TAFA2: variants seen among roughly 807,000 people sequenced by gnomAD.
The protein encoded by TAFA2 is chemokine-like protein TAFA-2.
In TAFA2, 7 loss-of-function variants were observed where a neutral mutation model predicts 18.8. That is an observed-to-expected ratio of 0.37 (90% CI 0.21 to 0.70). The LOEUF (loss-of-function observed/expected upper bound fraction) is 0.70, where lower values mean the gene tolerates loss of function less well. Among genes scored for constraint, TAFA2 ranks in the 30% least tolerant of loss-of-function variants. The pLI, the probability that TAFA2 is intolerant of heterozygous loss-of-function variation, is 0.53. For synonymous variants in TAFA2, 60 were observed against 54.2 expected (o/e 1.11, Z -0.47); for missense variants, 122 against 158.1 (o/e 0.77, Z 1.23).
rs1870861568 is a variant in TAFA2, at chr12:61,789,010, CTTGT to C, written c.107-33990_107-33987del. Among the ~76,000 whole-genome samples, 5 of 151,658 alleles carry C rather than the reference CTTGT, an allele frequency of 3.3e-5. No homozygotes were observed. In the South Asian group the frequency reaches 1.0e-3, roughly 31 times the overall value. On this transcript the variant is annotated intron_variant, in intron 2 of 4. Transcript: ENST00000416284. ...GATGGGGTCATTTTTTTCTTGTAAA[CTTGT>C]TTAAGTTCCTTGTAGATTCTGGATA...
At chr12:62,055,376 C>T (rs1051624186) in intron 1 of TAFA2, among the ~76,000 whole-genome samples, 1 of 152,112 alleles carries the variant, frequency 6.6e-6, no homozygotes, top group Non-Finnish European at 1.5e-5. Context: ...AGAAAAGAGT[C>T]TCTCCATGTG....
intron 2 of TAFA2, among the ~76,000 whole-genome samples, chr12:61,802,268 A>G (rs897485998): frequency 6.6e-6 from 1 of 152,070 alleles, no homozygotes; most frequent in Non-Finnish European, 1.5e-5. Context: ...TATTCATCCA[A>G]AGGAAAGAAA....
chr12:61,882,794 C>T (rs1875205405), intron 1 of TAFA2, among the ~76,000 whole-genome samples: 4 of 152,136 alleles, frequency 2.6e-5, no homozygotes, highest in Admixed American at 2.6e-4. Context: ...AGTAAGAATA[C>T]TTGGATTCAA....
At chr12:62,174,801 C>T (rs956175505) in intron 1 of TAFA2, among the ~76,000 whole-genome samples, 1 of 152,168 alleles carries the variant, frequency 6.6e-6, no homozygotes, top group African/African-American at 2.4e-5. Flanking sequence ...ACGAATATTT[C>T]TCCTTATATA....
intron 1 of TAFA2, among the ~76,000 whole-genome samples, chr12:62,244,147 CAA>C (rs1253201513): frequency 7.2e-6 from 1 of 138,260 alleles, no homozygotes; most frequent in Non-Finnish European, 1.6e-5. Context: ...TTAAGAAAAA[CAA>C]AGAAAACTAA....
At position 62,247,486 on chromosome 12, in the gene TAFA2, G is replaced by A. The variant is rs149185042; in HGVS notation, c.-130+11277C>T. Reference sequence around the variant, plus strand: ...GTTCTTTCTTGTAGACAAGCTCCTCGAGTTTTCCTACTTTACTGTGCATTA... The same window carrying A: ...GTTCTTTCTTGTAGACAAGCTCCTCAAGTTTTCCTACTTTACTGTGCATTA... On this transcript the variant is annotated intron_variant, in intron 1 of 5. Coordinates refer to the TAFA2 transcript ENST00000551619. Among the ~76,000 whole-genome samples the A allele has an allele frequency of 2.1e-3, 318 of 152,210 alleles. 1 individual carries two copies. The highest frequency in any genetic ancestry group is 7.4e-3 in the African/African-American group (308 of 41,518).
At chr12:62,241,807 TCA>T (rs1378327493) in intron 1 of TAFA2, among the ~76,000 whole-genome samples, 11 of 152,220 alleles carry the variant, frequency 7.2e-5, no homozygotes, top group African/African-American at 7.2e-5. Context: ...ACTTCTAATC[TCA>T]GTTTTCTTCA....
At chr12:62,042,035 G>A (rs933099274) in intron 1 of TAFA2, among the ~76,000 whole-genome samples, 3 of 152,054 alleles carry the variant, frequency 2.0e-5, no homozygotes, top group African/African-American at 7.2e-5. Context: ...ATTTATCCAT[G>A]TGGTCTTAAT....
chr12:61,991,528 T>C (rs1442766162), intron 1 of TAFA2, among the ~76,000 whole-genome samples: 2 of 152,328 alleles, frequency 1.3e-5, no homozygotes, highest in East Asian at 1.9e-4. Flanking sequence ...TCATACACTA[T>C]CCAAACATTT....
chr12:62,188,000 G>A (rs772665377), intron 1 of TAFA2, among the ~76,000 whole-genome samples: 11 of 152,166 alleles, frequency 7.2e-5, no homozygotes, highest in Non-Finnish European at 1.2e-4. Flanking sequence ...TATAAAATCA[G>A]TGGTCCAAAA....
At chr12:61,801,037 A>G (rs1248701407) in intron 2 of TAFA2, among the ~76,000 whole-genome samples, 1 of 152,138 alleles carries the variant, frequency 6.6e-6, no homozygotes, top group Non-Finnish European at 1.5e-5. Context: ...TACAATAGCT[A>G]CAAGAAACTA....
chr12:61,797,317 G>A (rs1871227713), intron 2 of TAFA2, among the ~76,000 whole-genome samples: 1 of 152,068 alleles, frequency 6.6e-6, no homozygotes, highest in Non-Finnish European at 1.5e-5. Flanking sequence ...ACCAGTAACA[G>A]CATCTGTGAA....
intron 1 of TAFA2, among the ~76,000 whole-genome samples, chr12:61,918,551 A>G (rs548590938): frequency 1.3e-5 from 2 of 152,188 alleles, no homozygotes; most frequent in East Asian, 3.9e-4. Flanking sequence ...TTATCTACTC[A>G]TCTGTTGATG....
In TAFA2 at chr12:61,754,901, G is replaced by T; in HGVS notation, c.230C>A (p.Thr77Asn). ...CSCFPGQVAG[T>N]TRAAPSCVDA... ...CACACATGATGGAGCAGCTCGCGTG[G>T]TGCCTGCCACCTGCCCAGGGAAGCA... Residue 77 changes from threonine to asparagine, a missense_variant, in exon 3 of 5, where the codon ACC (threonine) becomes AAC (asparagine). Physicochemically the swap from Thr to Asn is moderately conservative, Grantham distance 65 (BLOSUM62 0). Coordinates refer to ENST00000416284, the MANE Select transcript of TAFA2 (RefSeq NM_178539.5). 6.2e-7 allele frequency: 1 copy of T among 1,612,846 alleles called. No individual in the cohort carries two copies. The highest frequency in any genetic ancestry group is 8.5e-7 in the Non-Finnish European group (1 of 1,179,354).
intron 2 of TAFA2, among the ~76,000 whole-genome samples, chr12:61,830,740 G>A (rs975933404): frequency 7.2e-5 from 11 of 151,920 alleles, no homozygotes; most frequent in African/African-American, 2.4e-4. Context: ...TAAACTTTGA[G>A]TACTTGATAT....
intron 2 of TAFA2, among the ~76,000 whole-genome samples, chr12:61,815,961 G>C (rs993461985): frequency 1.3e-5 from 2 of 151,134 alleles, no homozygotes; most frequent in African/African-American, 4.9e-5. Flanking sequence ...ATATAGGAAG[G>C]GAGAAGCACT....
At chr12:62,256,319 C>A (rs1289613818) in intron 1 of TAFA2, among the ~76,000 whole-genome samples, 3 of 151,736 alleles carry the variant, frequency 2.0e-5, no homozygotes, top group Admixed American at 6.6e-5. Flanking sequence ...AATTTGTAGA[C>A]CTTATGCCCA....
At chr12:61,936,411 T>C (rs1287035292) in intron 1 of TAFA2, among the ~76,000 whole-genome samples, 1 of 151,770 alleles carries the variant, frequency 6.6e-6, no homozygotes. Context: ...TAACTAAAAA[T>C]ACAAAACTTA....
rs910368877 is a variant in TAFA2 at position 61,879,535 on chromosome 12, C to T, written c.-1-12109G>A. ...TGCTGTCATGGTCAACCAGAGCCTG[C>T]TGAGGCCCCTTAACCTGGAGGTGGA... On this transcript the variant is annotated intron_variant, in intron 1 of 4. Coordinates refer to ENST00000416284, the MANE Select transcript of TAFA2 (RefSeq NM_178539.5). 3.7e-5 allele frequency: 27 copies of T among 721,828 alleles called. No homozygotes were observed. The East Asian group carries it at 5.2e-4, about 14-fold the overall frequency. The allele number at this position is 721,828 out of a possible 1,614,324, so 44.7% of individuals were successfully genotyped here. A position where few individuals can be genotyped will look rare whatever the true frequency, so the allele number is the denominator to read the frequency against.
Sources: allele counts gnomAD v4.1 joint callset (sites outside exome capture counted in the v4.1 genomes callset), GRCh38; gene constraint gnomAD v4.1.1; transcripts MANE v1.5; gene names NCBI Gene and HGNC (gene_info 2026-07-23, HGNC 2026-07-21).